The following ADGRV1 variants were observed in gnomAD, a reference collection of about 807,000 sequenced individuals.
ADGRV1 encodes the protein adhesion G protein-coupled receptor V1, also known as G-protein coupled receptor 98.
In ADGRV1, 359 loss-of-function variants were observed where a neutral mutation model predicts 596.2. That is an observed-to-expected ratio of 0.60 (90% CI 0.55 to 0.66). The LOEUF (loss-of-function observed/expected upper bound fraction) is 0.66. Among genes scored for constraint, ADGRV1 ranks in the 30% least tolerant of loss-of-function variants. The pLI, the probability that ADGRV1 is intolerant of heterozygous loss-of-function variation, is 0.00. For missense variants in ADGRV1, 7,274 were observed against 7,575.6 expected (o/e 0.96, Z 1.48); for synonymous variants, 2,681 against 2,679.2 (o/e 1.00, Z -0.02).
At chr5:91,071,465 A>T (rs1005496901) in intron 85 of ADGRV1, among the ~76,000 whole-genome samples, 1 of 152,066 alleles carries the variant, frequency 6.6e-6, no homozygotes, top group Non-Finnish European at 1.5e-5. Context: ...GTTCCAGGGC[A>T]CATTAGTCCT....
chr5:90,993,154 C>CTTTTT (rs1235025923), intron 85 of ADGRV1, among the ~76,000 whole-genome samples: 21 of 97,656 alleles, frequency 2.2e-4, no homozygotes, highest in East Asian at 2.9e-4. Flanking sequence ...TTGGTTTTCA[C>CTTTTT]TTTTTTTTTT....
intron 53 of ADGRV1, 57 bp downstream of exon 53, chr5:90,750,754 AT>A (rs1755156674): frequency 7.3e-7 from 1 of 1,367,124 alleles, no homozygotes; most frequent in African/African-American, 1.4e-5. Flanking sequence ...CTAGTGATGT[AT>A]GGGACCAAAT....
chr5:91,086,340 G>T (rs1789873273), intron 86 of ADGRV1, among the ~76,000 whole-genome samples: 1 of 152,106 alleles, frequency 6.6e-6, no homozygotes, highest in Non-Finnish European at 1.5e-5. Flanking sequence ...TACAGATATT[G>T]TCATCAACTT....
At chr5:90,560,098 A>C (rs937415650) in intron 1 of ADGRV1, among the ~76,000 whole-genome samples, 2 of 152,156 alleles carry the variant, frequency 1.3e-5, no homozygotes, top group African/African-American at 4.8e-5. Context: ...GATTAGGTAT[A>C]ATTTTCTGGC....
At chr5:90,794,320 A>T in intron 70 of ADGRV1, among the ~76,000 whole-genome samples, 1 of 152,350 alleles carries the variant, frequency 6.6e-6, no homozygotes, top group South Asian at 2.1e-4. Context: ...GCACCTGGTA[A>T]GTTGTTAACA....
chr5:90,851,134 T>TGAGAGAGAGA (rs141999531), intron 79 of ADGRV1, among the ~76,000 whole-genome samples: 8 of 81,506 alleles, frequency 9.8e-5, no homozygotes, highest in Non-Finnish European at 2.1e-4. Context: ...TGTGTGTGTG[T>TGAGAGAGAGA]GAGAGAGAGA....
chr5:91,079,745 T>C (rs1789174494), intron 86 of ADGRV1, among the ~76,000 whole-genome samples: 1 of 152,192 alleles, frequency 6.6e-6, no homozygotes, highest in Non-Finnish European at 1.5e-5. Context: ...AGCTGCCTTT[T>C]ACCAGTCTCA....
At chr5:90,946,027 A>T (rs575411295) in intron 83 of ADGRV1, among the ~76,000 whole-genome samples, 1 of 152,234 alleles carries the variant, frequency 6.6e-6, no homozygotes, top group East Asian at 1.9e-4. Context: ...TAGCAGACTT[A>T]TACAATAAGA....
At chr5:90,681,513 G>C (rs1169714379) in intron 27 of ADGRV1, 59 bp downstream of exon 27, 1 of 1,498,928 alleles carries the variant, frequency 6.7e-7, no homozygotes, top group Non-Finnish European at 9.0e-7. Flanking sequence ...AAACTGTACT[G>C]TGCTATGAAA....
At chr5:90,568,807 G>A (rs989376401) in intron 1 of ADGRV1, among the ~76,000 whole-genome samples, 6 of 152,130 alleles carry the variant, frequency 3.9e-5, no homozygotes, top group African/African-American at 1.4e-4. Context: ...TTATGTGCCT[G>A]TAGGTTTACA....
In ADGRV1 at chr5:90,811,079, A is replaced by C. The variant is rs771061879; in HGVS notation, c.15819A>C (p.Ala5273=). 6.2e-7 allele frequency: 1 copy of C among 1,613,966 alleles called. No individual in the cohort carries two copies. The highest frequency in any genetic ancestry group is 8.5e-7 in the Non-Finnish European group (1 of 1,179,848). The change falls in exon 74 of 90, where the codon GCA becomes GCC. Residue 5273 remains alanine, a synonymous_variant. Transcript: ENST00000405460. ...GATGTGCTCAGATGGAACCAAATGCATTGCCCTTTCGTGGTATCTATGGGA... is the reference window on the plus strand; with the variant it reads ...GATGTGCTCAGATGGAACCAAATGCCTTGCCCTTTCGTGGTATCTATGGGA... ...GERCAQMEPN[A]LPFRGIYGIS...
intron 83 of ADGRV1, among the ~76,000 whole-genome samples, chr5:90,913,090 C>G (rs1470327935): frequency 6.6e-6 from 1 of 152,078 alleles, no homozygotes; most frequent in Non-Finnish European, 1.5e-5. Flanking sequence ...AATCATGTGC[C>G]ACACTTAGCC....
chr5:90,680,302 C>T (rs1488743581), intron 26 of ADGRV1, among the ~76,000 whole-genome samples: 1 of 151,144 alleles, frequency 6.6e-6, no homozygotes, highest in Non-Finnish European at 1.5e-5. Flanking sequence ...GTTGAGTGAA[C>T]CAAGATTGCG....
chr5:90,675,244 C>G lies in ADGRV1; in HGVS notation c.5112C>G (p.Gly1704=). 6.2e-7 allele frequency: 1 copy of G among 1,612,604 alleles called. No individual in the cohort carries two copies. The highest frequency in any genetic ancestry group is 8.5e-7 in the Non-Finnish European group (1 of 1,179,464). ...ITIKASDHPY[G]LLQFSTGLPP... ...CCCTGGCCCCTTTGTCTCCACTAGG[C>G]TTGCTGCAGTTCTCCACAGGGCTGC... The change falls in exon 24 of 90, where the codon GGC becomes GGG. Residue 1704 remains glycine, a splice_region_variant and synonymous_variant. Transcript: ENST00000405460.
chr5:90,973,084 A>G (rs1286611629), intron 84 of ADGRV1, among the ~76,000 whole-genome samples: 1 of 152,246 alleles, frequency 6.6e-6, no homozygotes, highest in Non-Finnish European at 1.5e-5. Context: ...CTCTATGCAA[A>G]TAAACTAGAA....
intron 84 of ADGRV1, among the ~76,000 whole-genome samples, chr5:90,973,815 C>T (rs1271668787): frequency 6.6e-6 from 1 of 152,148 alleles, no homozygotes; most frequent in African/African-American, 2.4e-5. Flanking sequence ...CCTCTCTCAC[C>T]ACTCCTATTC....
At chr5:90,682,369 C>T (rs887923899) in intron 27 of ADGRV1, among the ~76,000 whole-genome samples, 13 of 152,264 alleles carry the variant, frequency 8.5e-5, no homozygotes, top group African/African-American at 2.9e-4. Flanking sequence ...CCTGGCTGTG[C>T]CTAATGTCAG....
At chr5:91,055,167 C>T (rs1042316821) in intron 85 of ADGRV1, among the ~76,000 whole-genome samples, 1 of 152,100 alleles carries the variant, frequency 6.6e-6, no homozygotes, top group Admixed American at 6.5e-5. Context: ...AATGTTTGCT[C>T]TTCTGAGAAA....
intron 72 of ADGRV1, among the ~76,000 whole-genome samples, chr5:90,805,667 C>A (rs1169355521): frequency 6.6e-6 from 1 of 152,080 alleles, no homozygotes; most frequent in African/African-American, 2.4e-5. Context: ...CATGCCTTAC[C>A]TCAAAAGACT....
Sources: allele counts gnomAD v4.1 joint callset (sites outside exome capture counted in the v4.1 genomes callset), GRCh38; gene constraint gnomAD v4.1.1; transcripts MANE v1.5; gene names NCBI Gene and HGNC (gene_info 2026-07-23, HGNC 2026-07-21).